Variants in HDAC9 observed in about 807,000 individuals in gnomAD.
HDAC9 encodes the protein histone deacetylase 9, also known as MEF-2 interacting transcription repressor (MITR) protein.
A neutral mutation model predicts 139.4 loss-of-function variants in HDAC9; 41 were observed. The ratio of observed to expected loss-of-function variants is 0.29; its 90% CI spans 0.23 to 0.38. The LOEUF is 0.38. Ranked by LOEUF, HDAC9 falls within the 10% of genes least tolerant of loss-of-function variation. The pLI is 1.00. For synonymous variants in HDAC9, 517 were observed against 476.2 expected (o/e 1.09, Z -1.12); for missense variants, 1,147 against 1,297.0 (o/e 0.88, Z 1.78).
intron 2 of HDAC9, among the ~76,000 whole-genome samples, chr7:18,526,109 G>A (rs916855982): frequency 6.6e-6 from 1 of 152,230 alleles, no homozygotes; most frequent in Middle Eastern, 3.4e-3. Flanking sequence ...GCATAGGAAA[G>A]GTTCACAAAG....
intron 24 of HDAC9, among the ~76,000 whole-genome samples, chr7:18,967,541 A>G (rs996999289): frequency 3.7e-5 from 5 of 135,284 alleles, no homozygotes; most frequent in Admixed American, 3.0e-4. Context: ...TGTGAAAGCT[A>G]TTTGTTATAA....
At chr7:18,631,600 A>T (rs1782370947) in intron 7 of HDAC9, among the ~76,000 whole-genome samples, 1 of 152,016 alleles carries the variant, frequency 6.6e-6, no homozygotes, top group Non-Finnish European at 1.5e-5. Flanking sequence ...CATTTCATAG[A>T]TTAAAGTGTA....
At chr7:18,992,855 T>A (rs527930681) in intron 25 of HDAC9, among the ~76,000 whole-genome samples, 1 of 152,340 alleles carries the variant, frequency 6.6e-6, no homozygotes, top group East Asian at 1.9e-4. Context: ...GTCTTTCAAT[T>A]CGTTAAACCA....
chr7:18,592,016 A>G (rs1831136106), intron 5 of HDAC9, among the ~76,000 whole-genome samples: 3 of 152,142 alleles, frequency 2.0e-5, no homozygotes, highest in South Asian at 4.2e-4. Context: ...CAACTGGTGC[A>G]TTTGGTATCT....
At chr7:18,401,719 C>T (rs556700581) in intron 1 of HDAC9, among the ~76,000 whole-genome samples, 2 of 152,252 alleles carry the variant, frequency 1.3e-5, no homozygotes, top group South Asian at 2.1e-4. Flanking sequence ...GTCCTAGCCT[C>T]GTTTTTATTT....
At chr7:18,680,339 T>C (rs1781807969) in intron 12 of HDAC9, among the ~76,000 whole-genome samples, 1 of 151,990 alleles carries the variant, frequency 6.6e-6, no homozygotes, top group Non-Finnish European at 1.5e-5. Flanking sequence ...TGGTGGAAAG[T>C]GAGCAATAGA....
At chr7:18,219,271 T>C (rs1792520470) in intron 2 of HDAC9, among the ~76,000 whole-genome samples, 1 of 152,198 alleles carries the variant, frequency 6.6e-6, no homozygotes, top group African/African-American at 2.4e-5. Context: ...AAAAAAATTA[T>C]AGTTTGCTTT....
intron 22 of HDAC9, among the ~76,000 whole-genome samples, chr7:18,878,977 T>C (rs989313089): frequency 3.3e-5 from 5 of 152,116 alleles, no homozygotes; most frequent in African/African-American, 1.2e-4. Context: ...GATGCAAAAT[T>C]AATGCACAAA....
At chr7:18,899,319 G>A (rs1801488312) in intron 22 of HDAC9, 1 of 151,762 alleles carries the variant, frequency 6.6e-6, no homozygotes, top group South Asian at 2.1e-4. Context: ...CTGATGTACT[G>A]GTATAATTTT....
chr7:18,189,578 A>G (rs1790184844), intron 2 of HDAC9, among the ~76,000 whole-genome samples: 1 of 152,194 alleles, frequency 6.6e-6, no homozygotes, highest in African/African-American at 2.4e-5. Context: ...GCAAGGATTT[A>G]CAGAGCCTTG....
intron 2 of HDAC9, chr7:18,517,882 G>A (rs1283651980): frequency 6.6e-6 from 1 of 152,144 alleles, no homozygotes; most frequent in Admixed American, 6.5e-5. Flanking sequence ...TTCTGAAGTA[G>A]TAATTGGAAT....
chr7:18,655,043 A>T (rs1045462821), intron 11 of HDAC9, among the ~76,000 whole-genome samples: 3 of 152,196 alleles, frequency 2.0e-5, no homozygotes, highest in African/African-American at 7.2e-5. Flanking sequence ...GGCAAGCCTG[A>T]AGCTGGAAGT....
intron 2 of HDAC9, among the ~76,000 whole-genome samples, chr7:18,580,697 A>G (rs1239348941): frequency 6.6e-6 from 1 of 152,206 alleles, no homozygotes; most frequent in African/African-American, 2.4e-5. Context: ...TTTTTGAGGA[A>G]TTTGCATGTT....
intron 25 of HDAC9, among the ~76,000 whole-genome samples, chr7:18,980,676 CTTGTTCTTCTTG>C (rs1784849496): frequency 7.2e-6 from 1 of 139,656 alleles, no homozygotes; most frequent in African/African-American, 2.5e-5. Context: ...TCTTCTTGTT[CTTGTTCTTCTTG>C]TTCTTCTTCC....
rs1786485173 is a variant in HDAC9, at chr7:18,996,715, C to T, written c.*653C>T. The T allele has an allele frequency of 6.6e-6, 1 of 152,188 alleles. No individual in the cohort carries two copies. Among genetic ancestry groups the T allele is most frequent in the Admixed American group, 6.5e-5 (1 of 15,276 alleles). 9.4% of individuals were successfully genotyped at this position (152,188 alleles called of 1,614,324 possible). ...AAGTCCAAATGCCAAAGGAACCTCA[C>T]ACACTGTTTGTAATGGTGCAATATT... On this transcript the variant is annotated 3_prime_UTR_variant, in exon 26 of 26. Transcript: ENST00000686413.
intron 1 of HDAC9, among the ~76,000 whole-genome samples, chr7:18,445,490 A>G (rs902791428): frequency 3.3e-5 from 5 of 152,218 alleles, no homozygotes; most frequent in Admixed American, 1.3e-4. Context: ...ATGCTGAAAT[A>G]TGTAGGGGCT....
At chr7:18,639,524 T>G (rs565664491) in intron 8 of HDAC9, among the ~76,000 whole-genome samples, 1 of 152,110 alleles carries the variant, frequency 6.6e-6, no homozygotes, top group Admixed American at 6.6e-5. Flanking sequence ...AACACCTTCT[T>G]TGGTGTCCAG....
At chr7:18,971,409 A>G (rs1784236256) in intron 24 of HDAC9, among the ~76,000 whole-genome samples, 1 of 152,212 alleles carries the variant, frequency 6.6e-6, no homozygotes, top group Non-Finnish European at 1.5e-5. Context: ...GACTTTATGA[A>G]TAACAGCTCC....
chr7:18,894,803 G>A (rs1330292054), intron 22 of HDAC9, among the ~76,000 whole-genome samples: 1 of 152,126 alleles, frequency 6.6e-6, no homozygotes, highest in African/African-American at 2.4e-5. Flanking sequence ...CTATACAAAT[G>A]TTCTTGAATT....
Sources: gnomAD v4.1 joint callset for allele counts (sites outside exome capture counted in the v4.1 genomes callset) on GRCh38, gnomAD v4.1.1 for gene constraint, MANE v1.5 for transcripts, NCBI Gene and HGNC (gene_info 2026-07-23, HGNC 2026-07-21) for gene names.